KCNA6: variants seen among roughly 807,000 people sequenced by gnomAD.
The protein encoded by KCNA6 is human brain potassium channel-2.
In KCNA6, 17 loss-of-function variants were observed where a neutral mutation model predicts 29.5. That is an observed-to-expected ratio of 0.58 (90% CI 0.39 to 0.86). KCNA6 has a LOEUF of 0.86. KCNA6 is among the 40% of genes least tolerant of loss of function. The probability of loss-of-function intolerance (pLI) is 0.00; values close to 1 mark genes in which losing one functional copy is unlikely to be tolerated. For missense variants in KCNA6, 450 were observed against 703.4 expected (o/e 0.64, Z 4.07); for synonymous variants, 296 against 304.7 (o/e 0.97, Z 0.30).
chr12:4,844,934 T>C, the KCNA6 span, among the ~76,000 whole-genome samples: 1 of 152,320 alleles, frequency 6.6e-6, no homozygotes, highest in East Asian at 1.9e-4. The surrounding 1 kb of genome is among the most constrained non-coding windows in gnomAD (Gnocchi z 4.0). Flanking sequence ...TGTTTATAAT[T>C]CTTTCCAGAT....
the KCNA6 span, among the ~76,000 whole-genome samples, chr12:4,842,350 C>T: frequency 6.6e-6 from 1 of 151,984 alleles, no homozygotes; most frequent in East Asian, 1.9e-4. Flanking sequence ...GGAGCTAGGT[C>T]CACAGGTGAG....
the KCNA6 span, among the ~76,000 whole-genome samples, chr12:4,835,037 T>A: frequency 6.6e-6 from 1 of 152,108 alleles, no homozygotes; most frequent in Non-Finnish European, 1.5e-5. Context: ...TGGGTTCAAC[T>A]GTTGGGACTG....
exon 1 of KCNA6, chr12:4,812,341 T>G (rs915538550): frequency 1.2e-5 from 2 of 167,200 alleles, no homozygotes; most frequent in East Asian, 3.8e-4. Context: ...CGGTCTACAT[T>G]TAGTTCTCCC....
the KCNA6 span, among the ~76,000 whole-genome samples, chr12:4,836,029 T>G: frequency 6.9e-6 from 1 of 145,910 alleles, no homozygotes; most frequent in African/African-American, 2.5e-5. Context: ...AACCTCCACC[T>G]CCTGGGTTCA....
At chr12:4,819,825 AC>A in the KCNA6 span, among the ~76,000 whole-genome samples, 1 of 152,146 alleles carries the variant, frequency 6.6e-6, no homozygotes, top group Non-Finnish European at 1.5e-5. Flanking sequence ...ACCTCATTTA[AC>A]CTCACCGAGC....
At chr12:4,822,135 C>T in the KCNA6 span, among the ~76,000 whole-genome samples, 16 of 152,152 alleles carry the variant, frequency 1.1e-4, no homozygotes, top group East Asian at 1.7e-3. Context: ...GCGCCCGGCC[C>T]GTCTGTCAGT....
chr12:4,827,094 C>T, the KCNA6 span, among the ~76,000 whole-genome samples: 1 of 148,652 alleles, frequency 6.7e-6, no homozygotes, highest in South Asian at 2.2e-4. Context: ...CTCCATCGTC[C>T]CCTCTCTCTT....
chr12:4,823,970 A>G, the KCNA6 span, among the ~76,000 whole-genome samples: 1 of 152,156 alleles, frequency 6.6e-6, no homozygotes, highest in Non-Finnish European at 1.5e-5. Flanking sequence ...TCTGTGAACA[A>G]TGTAGGCAGA....
chr12:4,818,838 GCACACACACA>G, the KCNA6 span, among the ~76,000 whole-genome samples: 1 of 148,640 alleles, frequency 6.7e-6, no homozygotes, highest in Non-Finnish European at 1.5e-5. Flanking sequence ...CCCTGAAAGT[GCACACACACA>G]CACACACACA....
At chr12:4,818,838 GCACACACA>G in the KCNA6 span, among the ~76,000 whole-genome samples, 1 of 148,638 alleles carries the variant, frequency 6.7e-6, no homozygotes, top group African/African-American at 2.5e-5. Flanking sequence ...CCCTGAAAGT[GCACACACA>G]CACACACACA....
At chr12:4,843,651 A>G in the KCNA6 span, among the ~76,000 whole-genome samples, 1 of 152,174 alleles carries the variant, frequency 6.6e-6, no homozygotes, top group Non-Finnish European at 1.5e-5. Flanking sequence ...GGAAGCATGG[A>G]GGCATCTGCT....
At chr12:4,842,309 G>T in the KCNA6 span, among the ~76,000 whole-genome samples, 2 of 152,138 alleles carry the variant, frequency 1.3e-5, no homozygotes, top group African/African-American at 4.8e-5. Flanking sequence ...CATGATGACA[G>T]AAACATGGTA....
the KCNA6 span, among the ~76,000 whole-genome samples, chr12:4,846,791 TA>T: frequency 1.7e-3 from 37 of 22,258 alleles, no homozygotes; most frequent in African/African-American, 2.4e-3. Context: ...TTTTTTTTTT[TA>T]ATTTGAGACG....
the KCNA6 span, among the ~76,000 whole-genome samples, chr12:4,831,434 G>C: frequency 6.6e-6 from 1 of 152,136 alleles, no homozygotes; most frequent in African/African-American, 2.4e-5. Context: ...CTGAGAGCCA[G>C]CCAGCATGAG....
chr12:4,834,051 C>T, the KCNA6 span, among the ~76,000 whole-genome samples: 3 of 151,890 alleles, frequency 2.0e-5, no homozygotes, highest in Non-Finnish European at 4.4e-5. Context: ...ACCTCGGCCT[C>T]CTGAATAGCT....
At chr12:4,833,798 C>T in the KCNA6 span, among the ~76,000 whole-genome samples, 5 of 152,242 alleles carry the variant, frequency 3.3e-5, no homozygotes, top group African/African-American at 7.2e-5. Context: ...GTGGTTAGGG[C>T]GGGGCTGTCC....
At chr12:4,809,921 G>T (rs574421026) in exon 1 of KCNA6, 2 of 1,224,774 alleles carry the variant, frequency 1.6e-6, no homozygotes, top group East Asian at 2.5e-5. Flanking sequence ...ACCGCGAACC[G>T]GGAGGAGCGC....
At chr12:4,841,773 A>G in the KCNA6 span, among the ~76,000 whole-genome samples, 1 of 152,158 alleles carries the variant, frequency 6.6e-6, no homozygotes, top group Non-Finnish European at 1.5e-5. Context: ...GGAGAGAGGG[A>G]AGCAGGGCAT....
rs1739125579 is a variant in KCNA6 at position 4,811,696 on chromosome 12, T to C, written c.*65T>C. 4.6e-6 allele frequency: 7 copies of C among 1,533,604 alleles called. No homozygotes were observed. The highest frequency in any genetic ancestry group is 1.4e-5 in the African/African-American group (1 of 72,826). 95.0% of individuals were successfully genotyped at this position (1,533,604 alleles called of 1,614,324 possible). On this transcript the variant is annotated 3_prime_UTR_variant, in exon 1 of 1. Coordinates refer to ENST00000280684, the Ensembl canonical transcript of KCNA6. The surrounding 1 kb of genome is among the most constrained non-coding windows in gnomAD (Gnocchi z 7.1). The stretch of plus-strand genomic sequence containing the variant: ...AACAGTCTCTTAGGCTTCCTTCTCA[T>C]TTCCACTACTCACTCTAGCTTCAGT...
Sources: gnomAD v4.1 joint callset for allele counts (sites outside exome capture counted in the v4.1 genomes callset) on GRCh38, gnomAD v4.1.1 for gene constraint, Gnocchi (gnomAD v3.1) non-coding constraint, MANE v1.5 for transcripts, NCBI Gene and HGNC (gene_info 2026-07-23, HGNC 2026-07-21) for gene names.